SHANK2: variants seen among roughly 807,000 people sequenced by gnomAD.
SHANK2 encodes the protein SH3 and multiple ankyrin repeat domains protein 2.
Under a neutral mutation model 133.7 loss-of-function variants are expected in SHANK2, and 43 were observed. That is an observed-to-expected ratio of 0.32 (90% CI 0.25 to 0.41). The LOEUF (loss-of-function observed/expected upper bound fraction) is 0.41. Ranked by LOEUF, SHANK2 falls within the 10% of genes least tolerant of loss-of-function variation. The pLI is 1.00. For synonymous variants in SHANK2, 1,017 were observed against 952.8 expected, an observed-to-expected ratio of 1.07 and a Z score of -1.24; for missense variants, 1,994 against 2,235.8, an observed-to-expected ratio of 0.89 and a Z score of 2.18.
At chr11:70,481,336 G>A (rs2135707029) in intron 25 of SHANK2, among the ~76,000 whole-genome samples, 1 of 152,352 alleles carries the variant, frequency 6.6e-6, no homozygotes, top group South Asian at 2.1e-4. Flanking sequence ...GAGCATCAGA[G>A]ACTCATTCAC....
Position 70,900,885 on chromosome 11 carries a change from C to T in SHANK2, c.1108-4318G>A, listed in dbSNP as rs11825011. Among the ~76,000 whole-genome samples the T allele has an allele frequency of 4.3e-3, 659 of 152,088 alleles. 4 individuals carry two copies. The highest frequency in any genetic ancestry group is 0.015 in the African/African-American group (609 of 41,468). On this transcript the variant is annotated intron_variant, in intron 10 of 25. Coordinates refer to ENST00000601538, the MANE Select transcript of SHANK2 (RefSeq NM_012309.5). ...GCATTGCTCAGTGTCAGGCTGGTGT[C>T]AGGCTCAGCATTGCTGGTGTCAGGC...
Position 70,487,421 on chromosome 11 carries a change from G to A in SHANK2, c.2872C>T (p.Arg958Cys), listed in dbSNP as rs782128763. The change falls in exon 25 of 26, where the codon CGC (arginine) becomes TGC (cysteine). Residue 958 changes from arginine (R) to cysteine (C), a missense_variant. Arg to Cys is a radical substitution (Grantham distance 180, BLOSUM62 -3). Around this residue, in one of 5 missense-constraint regions of SHANK2, gnomAD observed 488 missense variants for 642.6 expected, o/e 0.76. Coordinates refer to ENST00000601538, the MANE Select transcript of SHANK2 (RefSeq NM_012309.5). The surrounding 1 kb of genome is among the most constrained non-coding windows in gnomAD (Gnocchi z 5.8). ...KGMYFRRELD[R>C]YSLDSEDLYS... is the part of the protein sequence containing the mutation. ...AGGTCTTCAGAGTCCAAGGAGTAGC[G>A]GTCCAGCTCTCTCCTGAAGTACATC... is the stretch of plus-strand genomic sequence containing the variant. 26 of 1,613,972 alleles carry A rather than the reference G, an allele frequency of 1.6e-5. 1 individual carries two copies. The East Asian group carries it at 3.3e-4, about 21-fold the overall frequency.
chr11:70,806,510 C>A (rs1401652296), intron 13 of SHANK2, among the ~76,000 whole-genome samples: 2 of 152,182 alleles, frequency 1.3e-5, no homozygotes, highest in South Asian at 2.1e-4. Flanking sequence ...TGACAATGGC[C>A]CCCCCAGAGG....
At chr11:71,146,982 T>G in intron 3 of SHANK2, 138 bp downstream of exon 3, 5 of 675,844 alleles carry the variant, frequency 7.4e-6, no homozygotes, top group Non-Finnish European at 7.1e-6. Context: ...GGGGCAGAAG[T>G]ATGGAGCGAG....
intron 1 of SHANK2, among the ~76,000 whole-genome samples, chr11:71,245,100 C>T (rs1954943289): frequency 6.6e-6 from 1 of 152,114 alleles, no homozygotes; most frequent in South Asian, 2.1e-4. Context: ...CCCACCTCAG[C>T]TTCCTGAGTA....
At chr11:71,220,347 C>T (rs1030917671) in intron 2 of SHANK2, among the ~76,000 whole-genome samples, 2 of 152,090 alleles carry the variant, frequency 1.3e-5, no homozygotes, top group Non-Finnish European at 2.9e-5. Context: ...ATAGTATAAC[C>T]GCTGTGGAAA....
intron 14 of SHANK2, among the ~76,000 whole-genome samples, chr11:70,719,746 C>T (rs781960343): frequency 6.6e-6 from 1 of 151,430 alleles, no homozygotes; most frequent in Non-Finnish European, 1.5e-5. Flanking sequence ...ACAACAGCCC[C>T]GCGCTCCCCT....
intron 17 of SHANK2, among the ~76,000 whole-genome samples, chr11:70,635,927 G>C (rs1429723298): frequency 6.6e-6 from 1 of 152,216 alleles, no homozygotes; most frequent in Non-Finnish European, 1.5e-5. Flanking sequence ...AGGCCCCGTA[G>C]GGCATGAGGC....
chr11:70,836,215 G>T (rs1289163289), intron 11 of SHANK2, among the ~76,000 whole-genome samples: 1 of 152,230 alleles, frequency 6.6e-6, no homozygotes, highest in Admixed American at 6.5e-5. Flanking sequence ...TGCACACTCA[G>T]AAGCAGCATG....
chr11:70,952,597 G>C (rs1377247336), intron 10 of SHANK2: 4 of 245,258 alleles, frequency 1.6e-5, no homozygotes, highest in Non-Finnish European at 3.5e-5. Flanking sequence ...TTCTCAAGTT[G>C]GCTCCTATGC....
At chr11:70,688,352 T>C (rs1181828523) in intron 15 of SHANK2, among the ~76,000 whole-genome samples, 2 of 152,208 alleles carry the variant, frequency 1.3e-5, no homozygotes, top group Non-Finnish European at 2.9e-5. Flanking sequence ...AGTCAGGTGC[T>C]TGACGTCATA....
At chr11:70,658,206 C>T (rs1272039812) in intron 17 of SHANK2, among the ~76,000 whole-genome samples, 1 of 120,514 alleles carries the variant, frequency 8.3e-6, no homozygotes, top group Non-Finnish European at 1.8e-5. Context: ...CCACGCCCCC[C>T]CAACACACAC....
chr11:70,661,055 C>G (rs574587809), intron 16 of SHANK2, among the ~76,000 whole-genome samples: 2 of 152,348 alleles, frequency 1.3e-5, no homozygotes, highest in East Asian at 1.9e-4. Context: ...GCTGCCGGCT[C>G]AGTCCACGGC....
intron 2 of SHANK2, among the ~76,000 whole-genome samples, chr11:71,189,282 C>A (rs563918575): frequency 1.3e-5 from 2 of 152,242 alleles, no homozygotes; most frequent in Non-Finnish European, 2.9e-5. Context: ...CTGTTCAGGG[C>A]TTATTCCAGT....
chr11:70,941,914 C>T (rs1389320670), intron 10 of SHANK2, among the ~76,000 whole-genome samples: 1 of 151,682 alleles, frequency 6.6e-6, no homozygotes, highest in African/African-American at 2.4e-5. Context: ...GAAAAGAGGG[C>T]TGTGTGTGGT....
intron 8 of SHANK2, among the ~76,000 whole-genome samples, chr11:71,082,427 T>C (rs888944724): frequency 2.0e-4 from 30 of 152,276 alleles, no homozygotes; most frequent in African/African-American, 6.7e-4. Flanking sequence ...GGTACCACAG[T>C]ACACTAGAAA....
At chr11:70,926,272 A>G (rs546195023) in intron 10 of SHANK2, among the ~76,000 whole-genome samples, 1 of 152,244 alleles carries the variant, frequency 6.6e-6, no homozygotes, top group African/African-American at 2.4e-5. Context: ...TTAGCTGAAC[A>G]TGGTGATACG....
rs187340713 is a variant in SHANK2 at position 70,673,769 on chromosome 11, G to A, written c.1854-12091C>T. ...GCCGGAGGAGAAGGCCACTGCTGCCGTCCACCCCTGGCCACCAACCTCCCT... is the reference window on the plus strand; with the variant it reads ...GCCGGAGGAGAAGGCCACTGCTGCCATCCACCCCTGGCCACCAACCTCCCT... On this transcript the variant is annotated intron_variant, in intron 15 of 25. Coordinates refer to ENST00000601538, the MANE Select transcript of SHANK2 (RefSeq NM_012309.5). Among the ~76,000 whole-genome samples the A allele has an allele frequency of 1.7e-4, 26 of 152,346 alleles. No individual in the cohort carries two copies. The East Asian group carries it at 4.2e-3, about 25-fold the overall frequency.
chr11:71,129,713 A>G (rs1246486991), intron 3 of SHANK2, among the ~76,000 whole-genome samples: 1 of 152,186 alleles, frequency 6.6e-6, no homozygotes, highest in African/African-American at 2.4e-5. Context: ...ATGAGTTACA[A>G]GTATTCTGCA....
Sources: allele counts gnomAD v4.1 joint callset (sites outside exome capture counted in the v4.1 genomes callset), GRCh38; gene constraint gnomAD v4.1.1; regional missense constraint gnomAD v4.1.1; non-coding constraint Gnocchi (gnomAD v3.1); transcripts MANE v1.5; gene names NCBI Gene and HGNC (gene_info 2026-07-23, HGNC 2026-07-21).